IKBIP: variants seen among roughly 807,000 people sequenced by gnomAD.
IKBIP encodes IKBKB interacting protein.
IKBIP carries 28 observed loss-of-function variants against 31.0 expected under a neutral mutation model. The ratio of observed to expected loss-of-function variants is 0.90; its 90% CI spans 0.67 to 1.24. The LOEUF (loss-of-function observed/expected upper bound fraction) is 1.24. Ranked by LOEUF, IKBIP falls within the 50% of genes most tolerant of loss-of-function variation. The pLI is 0.00. For missense variants in IKBIP, 453 were observed against 441.9 expected, an observed-to-expected ratio of 1.03 and a Z score of -0.23; for synonymous variants, 164 against 160.3, an observed-to-expected ratio of 1.02 and a Z score of -0.17.
Position 98,644,639 on chromosome 12 carries a change from C to T in IKBIP, c.63G>A (p.Gly21=). 6.2e-7 allele frequency: 1 copy of T among 1,610,984 alleles called. No individual in the cohort carries two copies. The highest frequency in any genetic ancestry group is 8.5e-7 in the Non-Finnish European group (1 of 1,179,258). ...GGGTCTTCCCGCCCTCGCTCCGCTT[C>T]CCGGGCTCCGCAGCAGGGGCTCCCT... ...GPKGAPAAEP[G]KRSEGGKTPV... is the part of the protein sequence containing the mutation. The change falls in exon 1 of 3, where the codon GGG becomes GGA. Residue 21 remains glycine, a synonymous_variant. Coordinates refer to ENST00000299157, the MANE Select transcript of IKBIP (RefSeq NM_153687.4).
At chr12:98,632,483 GAAAAAA>G (rs71081871) in intron 2 of IKBIP, among the ~76,000 whole-genome samples, 1 of 11,570 alleles carries the variant, frequency 8.6e-5, no homozygotes, top group African/African-American at 2.9e-4. Context: ...GACTCTATCT[GAAAAAA>G]AAAAAAAAAA....
At chr12:98,622,850 T>C (rs1253378439), downstream of IKBIP, among the ~76,000 whole-genome samples, 1 of 151,784 alleles carries the variant, frequency 6.6e-6, no homozygotes. Flanking sequence ...TAGTCAATAG[T>C]TTCTGATCAT....
At chr12:98,630,351 C>G (rs1322982367) in intron 2 of IKBIP, among the ~76,000 whole-genome samples, 1 of 123,216 alleles carries the variant, frequency 8.1e-6, no homozygotes, top group East Asian at 2.6e-4. Flanking sequence ...CCACTGCACT[C>G]CAGCCTGGGC....
intron 2 of IKBIP, among the ~76,000 whole-genome samples, chr12:98,634,003 T>G (rs531959963): frequency 1.5e-4 from 23 of 152,336 alleles, no homozygotes; most frequent in Middle Eastern, 6.8e-3. Flanking sequence ...TCAACCATAT[T>G]TTCAATGCTC....
At chr12:98,614,459 C>T (rs1592985784) in intron 2 of IKBIP, 1 of 568,722 alleles carries the variant, frequency 1.8e-6, no homozygotes, top group Non-Finnish European at 2.7e-6. Context: ...GAGGCTTGTT[C>T]TGTTACCCAG....
intron 1 of IKBIP, among the ~76,000 whole-genome samples, chr12:98,635,008 ATTT>A (rs72490022): frequency 2.4e-5 from 2 of 84,302 alleles, no homozygotes; most frequent in Admixed American, 1.3e-4. Flanking sequence ...CACGCCCGGT[ATTT>A]TTTTTTTTTT....
At chr12:98,619,150 C>CAAAT (rs1209245669) in intron 2 of IKBIP, among the ~76,000 whole-genome samples, 1 of 152,048 alleles carries the variant, frequency 6.6e-6, no homozygotes, top group East Asian at 1.9e-4. Context: ...GCGGTAGCCA[C>CAAAT]AAATAGGAAG....
In IKBIP at chr12:98,614,316, C is replaced by A; in HGVS notation, c.322G>T (p.Glu108Ter). Reference sequence around the variant, plus strand: ...ATTATTTGAAAAGACTTCAATTGTTCCATGATAGCTTCAGATTTCTGCCAC... The same window carrying A: ...ATTATTTGAAAAGACTTCAATTGTTACATGATAGCTTCAGATTTCTGCCAC... The change falls in exon 3 of 3, where the codon GAA becomes TAA. Residue 108 changes from glutamate to a stop codon, truncating the protein, a stop_gained. Coordinates refer to the IKBIP transcript ENST00000342502. LOFTEE classifies it high-confidence loss of function. The A allele has an allele frequency of 6.4e-7, 1 of 1,571,726 alleles. No individual in the cohort carries two copies. Among genetic ancestry groups the A allele is most frequent in the Non-Finnish European group, 8.6e-7 (1 of 1,158,778 alleles).
chr12:98,620,689 A>C (rs112364354), downstream of IKBIP, among the ~76,000 whole-genome samples: 114 of 152,154 alleles, frequency 7.5e-4, 1 homozygote, highest in African/African-American at 2.6e-3. Flanking sequence ...CTATTAAAGG[A>C]CCTGGAAATT....
intron 2 of IKBIP, among the ~76,000 whole-genome samples, chr12:98,630,916 AAT>A (rs1190347820): frequency 2.9e-5 from 4 of 138,138 alleles, no homozygotes; most frequent in African/African-American, 1.1e-4. Flanking sequence ...GAAAAGACTG[AAT>A]ATTTCTTTTT....
chr12:98,613,784 T>C, exon 3 of IKBIP: 1 of 1,611,104 alleles, frequency 6.2e-7, no homozygotes, highest in Non-Finnish European at 8.5e-7. Flanking sequence ...CTTTAGATTA[T>C]ACACCTTTGG....
chr12:98,614,246 G>C, exon 3 of IKBIP: 1 of 1,612,806 alleles, frequency 6.2e-7, no homozygotes, highest in Non-Finnish European at 8.5e-7. Context: ...ATTGGACCAA[G>C]TTTTTACCTC....
chr12:98,614,487 C>T (rs1441565608), intron 2 of IKBIP: 6 of 455,548 alleles, frequency 1.3e-5, no homozygotes, highest in Middle Eastern at 5.7e-4. Flanking sequence ...TGCAGTGGCA[C>T]GATCTTGGCT....
intron 2 of IKBIP, among the ~76,000 whole-genome samples, chr12:98,632,512 AATATATATATATATATATATATAT>A (rs71436924): frequency 4.4e-5 from 1 of 22,792 alleles, no homozygotes; most frequent in Admixed American, 1.0e-3. Flanking sequence ...AAAAAAAAAA[AATATATATATATATATATATATAT>A]ATATATATAT....
At chr12:98,632,620 ATTT>A (rs35887973) in intron 2 of IKBIP, among the ~76,000 whole-genome samples, 1 of 90,852 alleles carries the variant, frequency 1.1e-5, no homozygotes. Flanking sequence ...CCAGATTCCA[ATTT>A]TTTTTTTTTT....
intron 2 of IKBIP, among the ~76,000 whole-genome samples, chr12:98,632,620 ATTTT>A (rs35887973): frequency 2.2e-5 from 2 of 90,852 alleles, no homozygotes; most frequent in African/African-American, 8.9e-5. Flanking sequence ...CCAGATTCCA[ATTTT>A]TTTTTTTTTT....
At chr12:98,614,306 T>C in exon 3 of IKBIP, 1 of 1,590,264 alleles carries the variant, frequency 6.3e-7, no homozygotes, top group Non-Finnish European at 8.6e-7. Flanking sequence ...TTGAAAAGAC[T>C]TCAATTGTTC....
At chr12:98,631,625 T>C (rs562670829) in intron 2 of IKBIP, among the ~76,000 whole-genome samples, 61 of 149,816 alleles carry the variant, frequency 4.1e-4, no homozygotes, top group African/African-American at 1.5e-3. Flanking sequence ...ATACAAAAAT[T>C]AGACGGGTGT....
chr12:98,633,620 G>T (rs1052689210), intron 2 of IKBIP, among the ~76,000 whole-genome samples: 1 of 144,562 alleles, frequency 6.9e-6, no homozygotes, highest in Admixed American at 7.2e-5. Flanking sequence ...AGGTTCAAGA[G>T]ATTCTTCTGT....
Sources: allele counts gnomAD v4.1 joint callset (sites outside exome capture counted in the v4.1 genomes callset), GRCh38; gene constraint gnomAD v4.1.1; transcripts MANE v1.5; gene names NCBI Gene and HGNC (gene_info 2026-07-23, HGNC 2026-07-21).